Variants in KDM2A observed in about 807,000 individuals in gnomAD.
KDM2A encodes the protein lysine-specific demethylase 2A.
KDM2A carries 3 observed loss-of-function variants against 137.3 expected under a neutral mutation model. That is an observed-to-expected ratio of 0.02 (90% CI 0.01 to 0.06). The LOEUF is 0.06. Ranked by LOEUF, KDM2A falls within the 10% of genes least tolerant of loss-of-function variation. The pLI, the probability that KDM2A is intolerant of heterozygous loss-of-function variation, is 1.00. For missense variants in KDM2A, 738 were observed against 1,510.6 expected (o/e 0.49, Z 8.48); for synonymous variants, 512 against 541.5 (o/e 0.95, Z 0.76).
intron 5 of KDM2A, among the ~76,000 whole-genome samples, chr11:67,186,910 C>CATGA (rs1857219679): frequency 6.6e-6 from 1 of 152,024 alleles, no homozygotes. Context: ...TCTTCCACCC[C>CATGA]ATGAATGAAT....
intron 12 of KDM2A, among the ~76,000 whole-genome samples, chr11:67,242,784 T>G (rs748471702): frequency 5.9e-5 from 9 of 152,194 alleles, no homozygotes; most frequent in Non-Finnish European, 1.3e-4. Context: ...GTGCCCAGCC[T>G]CAAAGTTTTG....
At chr11:67,180,386 C>T in intron 3 of KDM2A, 169 bp downstream of exon 3, 1 of 568,814 alleles carries the variant, frequency 1.8e-6, no homozygotes, top group East Asian at 3.2e-5. Flanking sequence ...CCAGTCCTCC[C>T]ACCCTGTGAG....
chr11:67,241,843 C>T (rs750589656), intron 12 of KDM2A, among the ~76,000 whole-genome samples: 12 of 152,066 alleles, frequency 7.9e-5, no homozygotes, highest in Non-Finnish European at 1.2e-4. Flanking sequence ...CCGAGGCAAG[C>T]GGATCACCTG....
chr11:67,132,926 T>C (rs1855885114), intron 2 of KDM2A, among the ~76,000 whole-genome samples: 1 of 152,050 alleles, frequency 6.6e-6, no homozygotes, highest in African/African-American at 2.4e-5. Flanking sequence ...CTGTGGGTTA[T>C]AGGTAGAAAT....
intron 6 of KDM2A, among the ~76,000 whole-genome samples, chr11:67,211,638 A>T (rs1288493814): frequency 6.7e-6 from 1 of 149,800 alleles, no homozygotes; most frequent in African/African-American, 2.4e-5. Context: ...AAAAAAAAAA[A>T]AAGAATATAT....
chr11:67,254,589 A>G lies in KDM2A; in HGVS notation c.3307+171A>G. The G allele has an allele frequency of 1.5e-6, 1 of 675,104 alleles. No individual in the cohort carries two copies. Among genetic ancestry groups the G allele is most frequent in the Non-Finnish European group, 2.5e-6 (1 of 393,380 alleles). The allele number at this position is 675,104 out of a possible 1,614,324, so 41.8% of individuals were successfully genotyped here. ...CTATCCCTTTTTTAACTGATGGGGGACTGAGGCCTTGAGTAGTTAAGTCGG... is the reference window on the plus strand; with the variant it reads ...CTATCCCTTTTTTAACTGATGGGGGGCTGAGGCCTTGAGTAGTTAAGTCGG... On this transcript the variant is annotated intron_variant, in intron 20 of 20. Transcript: ENST00000529006. The surrounding 1 kb of genome is among the most constrained non-coding windows in gnomAD (Gnocchi z 4.7).
At chr11:67,227,984 G>A (rs867185076) in intron 10 of KDM2A, 53 bp from the exon 11 acceptor site, 4 of 1,552,892 alleles carry the variant, frequency 2.6e-6, no homozygotes, top group South Asian at 1.1e-5. Flanking sequence ...TCCATTTGTT[G>A]TACTCTCTTT....
At chr11:67,190,677 C>T (rs1248243285) in intron 5 of KDM2A, among the ~76,000 whole-genome samples, 1 of 152,000 alleles carries the variant, frequency 6.6e-6, no homozygotes, top group Non-Finnish European at 1.5e-5. Flanking sequence ...ATGAGAATCG[C>T]TTGAACTGAG....
rs528923549 is a variant in KDM2A at position 67,218,885 on chromosome 11, A to G, written c.842-403A>G. 2.0e-5 allele frequency among the ~76,000 whole-genome samples: 3 copies of G among 152,306 alleles called. No homozygotes were observed. In the South Asian group the frequency reaches 6.2e-4, roughly 32 times the overall value. On this transcript the variant is annotated intron_variant, in intron 9 of 20. Transcript: ENST00000529006. ...CAGCCTCCCAGAGTGCTGGGATTAT[A>G]GGCGTGAGCCCCCGCGCCAGGTCAT...
intron 2 of KDM2A, among the ~76,000 whole-genome samples, chr11:67,127,189 C>T (rs759640089): frequency 6.6e-6 from 1 of 152,174 alleles, no homozygotes; most frequent in Non-Finnish European, 1.5e-5. Flanking sequence ...CCTCAACCGC[C>T]TGGCTCAAGT....
At chr11:67,221,355 A>G (rs1408914898) in intron 10 of KDM2A, among the ~76,000 whole-genome samples, 1 of 152,204 alleles carries the variant, frequency 6.6e-6, no homozygotes, top group Non-Finnish European at 1.5e-5. Context: ...TATTAATGCT[A>G]CTGCTCTTGA....
chr11:67,141,903 TTGAG>T (rs1246023232), intron 2 of KDM2A, among the ~76,000 whole-genome samples: 1 of 151,876 alleles, frequency 6.6e-6, no homozygotes, highest in Non-Finnish European at 1.5e-5. Context: ...TCTTTAATAT[TTGAG>T]TGAGAACACG....
chr11:67,232,288 A>G (rs184507117), intron 12 of KDM2A, among the ~76,000 whole-genome samples: 1 of 152,344 alleles, frequency 6.6e-6, no homozygotes, highest in Admixed American at 6.5e-5. Context: ...TTACCTTGAG[A>G]TAAAACTCAG....
intron 2 of KDM2A, among the ~76,000 whole-genome samples, chr11:67,125,236 A>G (rs933496605): frequency 6.7e-6 from 1 of 149,122 alleles, no homozygotes; most frequent in East Asian, 2.0e-4. Flanking sequence ...TCTAGAGTGC[A>G]GTGGCATGAT....
chr11:67,211,421 C>G (rs7478885), intron 6 of KDM2A, among the ~76,000 whole-genome samples: 13,117 of 151,776 alleles, frequency 0.086, 1,917 homozygotes, highest in African/African-American at 0.3. Flanking sequence ...CAAAACCAGC[C>G]TGGCCAACAT....
rs1244420420 is a variant in KDM2A, at chr11:67,231,890, C to G, written c.1409C>G (p.Ser470Cys). Residue 470 changes from serine to cysteine, a missense_variant, in exon 12 of 21, where the codon TCT becomes TGT. This residue lies in a region of KDM2A where 71 missense variants were observed against 147.9 expected (regional missense o/e 0.48). Coordinates refer to ENST00000529006, the MANE Select transcript of KDM2A (RefSeq NM_012308.3). ...CGCTGCCTTGTAGATAAGTTGGAGT[C>G]TCTGCCACTGCACAAGAAATGTGTC... ...GLRCLVDKLE[S>C]LPLHKKCVPT... 3 of 1,613,920 alleles carry G rather than the reference C, an allele frequency of 1.9e-6. No homozygotes were observed. Among genetic ancestry groups the G allele is most frequent in the African/African-American group, 1.3e-5 (1 of 74,936 alleles).
chr11:67,211,566 A>T (rs1857983296), intron 6 of KDM2A, among the ~76,000 whole-genome samples: 1 of 136,146 alleles, frequency 7.3e-6, no homozygotes, highest in South Asian at 2.4e-4. Flanking sequence ...GTGAGCCATG[A>T]TCACACCACT....
chr11:67,215,765 G>A (rs1278022246), intron 7 of KDM2A, 91 bp from the exon 8 acceptor site: 8 of 861,098 alleles, frequency 9.3e-6, no homozygotes, highest in African/African-American at 3.3e-5. Context: ...GGAAGATAAA[G>A]GGAGTATATA....
At chr11:67,177,368 A>G (rs765365725) in intron 2 of KDM2A, among the ~76,000 whole-genome samples, 68 of 152,200 alleles carry the variant, frequency 4.5e-4, no homozygotes, top group Admixed American at 2.5e-3. Flanking sequence ...TTGTAATAAT[A>G]CTTAGCTTAA....
Sources: allele counts gnomAD v4.1 joint callset (sites outside exome capture counted in the v4.1 genomes callset), GRCh38; gene constraint gnomAD v4.1.1; regional missense constraint gnomAD v4.1.1; non-coding constraint Gnocchi (gnomAD v3.1); transcripts MANE v1.5; gene names NCBI Gene and HGNC (gene_info 2026-07-23, HGNC 2026-07-21).